NRG1: variants seen among roughly 807,000 people sequenced by gnomAD.
The protein encoded by NRG1 is neuregulin 1, also known as pro-neuregulin-1, membrane-bound isoform.
NRG1 carries 18 observed loss-of-function variants against 63.8 expected under a neutral mutation model. That is an observed-to-expected ratio of 0.28 (90% CI 0.19 to 0.42). The LOEUF (loss-of-function observed/expected upper bound fraction) is 0.42, where lower values mean the gene tolerates loss of function less well. NRG1 is among the 10% of genes least tolerant of loss of function. The pLI is 1.00. For synonymous variants in NRG1, 302 were observed against 301.3 expected (o/e 1.00, Z -0.02); for missense variants, 762 against 814.7 (o/e 0.94, Z 0.79).
chr8:32,115,801 G>A (rs1296265756), intron 1 of NRG1, among the ~76,000 whole-genome samples: 1 of 152,118 alleles, frequency 6.6e-6, no homozygotes, highest in Non-Finnish European at 1.5e-5. Flanking sequence ...CAAATAATGT[G>A]CTCAAATCTG....
chr8:32,129,055 C>T (rs560059369), intron 1 of NRG1, among the ~76,000 whole-genome samples: 17 of 152,042 alleles, frequency 1.1e-4, no homozygotes, highest in African/African-American at 2.9e-4. Flanking sequence ...CCACAATAGT[C>T]GGTTCTGCCT....
intron 1 of NRG1, chr8:32,441,431 A>G (rs2129487455): frequency 6.6e-6 from 1 of 152,168 alleles, no homozygotes; most frequent in South Asian, 2.1e-4. Context: ...CAGCCTAGGC[A>G]ACATGGTAAG....
At chr8:31,769,173 T>G (rs749090993) in intron 1 of NRG1, among the ~76,000 whole-genome samples, 8 of 152,220 alleles carry the variant, frequency 5.3e-5, no homozygotes, top group Non-Finnish European at 8.8e-5. Flanking sequence ...CAAAACATTA[T>G]TTCATTTTAC....
intron 1 of NRG1, among the ~76,000 whole-genome samples, chr8:32,075,639 T>A (rs1563757022): frequency 6.6e-6 from 1 of 151,970 alleles, no homozygotes; most frequent in South Asian, 2.1e-4. Context: ...TATTATTTTT[T>A]AATATTTTAA....
intron 1 of NRG1, among the ~76,000 whole-genome samples, chr8:32,269,957 C>A (rs1474122173): frequency 6.6e-6 from 1 of 152,042 alleles, no homozygotes; most frequent in Non-Finnish European, 1.5e-5. Flanking sequence ...GTGCTCTGTC[C>A]CCTCATAAAT....
At chr8:31,870,852 T>A (rs2129611530) in intron 1 of NRG1, among the ~76,000 whole-genome samples, 1 of 152,316 alleles carries the variant, frequency 6.6e-6, no homozygotes, top group Middle Eastern at 3.4e-3. Context: ...CTTAAGTGTG[T>A]CACTGCAGAA....
At chr8:32,225,293 A>T (rs959704084) in intron 1 of NRG1, among the ~76,000 whole-genome samples, 1 of 152,216 alleles carries the variant, frequency 6.6e-6, no homozygotes, top group Middle Eastern at 3.2e-3. Flanking sequence ...CCTCATGTCC[A>T]GATAGGATAT....
chr8:32,552,482 C>G (rs1375178184), intron 1 of NRG1, among the ~76,000 whole-genome samples: 3 of 152,098 alleles, frequency 2.0e-5, no homozygotes, highest in Non-Finnish European at 2.9e-5. Context: ...TAGGTAGAAG[C>G]AGGCTGTGTG....
At chr8:31,649,743 C>T (rs990536681) in intron 1 of NRG1, among the ~76,000 whole-genome samples, 1 of 152,130 alleles carries the variant, frequency 6.6e-6, no homozygotes, top group African/African-American at 2.4e-5. Context: ...AATGGACTTA[C>T]AGAAAACAGT....
chr8:32,331,500 C>T (rs1365665843), intron 1 of NRG1, among the ~76,000 whole-genome samples: 1 of 152,020 alleles, frequency 6.6e-6, no homozygotes, highest in African/African-American at 2.4e-5. Flanking sequence ...CACTGCACTC[C>T]AGCCTGGGTG....
intron 1 of NRG1, among the ~76,000 whole-genome samples, chr8:31,830,783 G>T (rs1047489202): frequency 5.9e-5 from 9 of 151,888 alleles, no homozygotes; most frequent in African/African-American, 1.7e-4. Flanking sequence ...AAAAAAGAAA[G>T]AAAAGAAAAG....
chr8:32,653,249 C>G (rs375817484), intron 5 of NRG1, among the ~76,000 whole-genome samples: 23 of 152,222 alleles, frequency 1.5e-4, no homozygotes, highest in African/African-American at 5.3e-4. Flanking sequence ...AGTGCCTGCC[C>G]TCAGGGAGCT....
At chr8:32,704,003 C>T (rs942420932) in intron 5 of NRG1, among the ~76,000 whole-genome samples, 1 of 152,186 alleles carries the variant, frequency 6.6e-6, no homozygotes, top group African/African-American at 2.4e-5. Flanking sequence ...TGAACAAGCA[C>T]TTACAAAGTA....
At chr8:32,095,735 G>A (rs1829820542) in intron 1 of NRG1, among the ~76,000 whole-genome samples, 1 of 152,076 alleles carries the variant, frequency 6.6e-6, no homozygotes, top group Non-Finnish European at 1.5e-5. Flanking sequence ...CTTGGATATA[G>A]TAATATCAAC....
chr8:31,889,297 G>T (rs1048710408), intron 1 of NRG1, among the ~76,000 whole-genome samples: 4 of 151,802 alleles, frequency 2.6e-5, no homozygotes, highest in African/African-American at 9.7e-5. Context: ...AGATTATTTC[G>T]TAGGTATATC....
chr8:32,320,325 C>T (rs921230696), intron 1 of NRG1, among the ~76,000 whole-genome samples: 1 of 152,116 alleles, frequency 6.6e-6, no homozygotes, highest in African/African-American at 2.4e-5. Flanking sequence ...TATTTCTAGA[C>T]TTATCCTGCT....
chr8:31,685,821 G>C (rs552752600), intron 1 of NRG1, among the ~76,000 whole-genome samples: 5 of 152,188 alleles, frequency 3.3e-5, no homozygotes, highest in South Asian at 4.1e-4. Context: ...CCATGTTGTA[G>C]TGTGTGTGTG....
At chr8:32,162,403 C>T (rs564997682) in intron 1 of NRG1, among the ~76,000 whole-genome samples, 1 of 152,206 alleles carries the variant, frequency 6.6e-6, no homozygotes, top group African/African-American at 2.4e-5. Context: ...ATTTTATAGG[C>T]ACAGTTATAA....
chr8:31,843,272 C>A (rs1826366087), intron 1 of NRG1, among the ~76,000 whole-genome samples: 1 of 152,152 alleles, frequency 6.6e-6, no homozygotes, highest in African/African-American at 2.4e-5. Context: ...CTGGAAGGGA[C>A]AGGGTTGTGC....
Sources: gnomAD v4.1 joint callset for allele counts (sites outside exome capture counted in the v4.1 genomes callset) on GRCh38, gnomAD v4.1.1 for gene constraint, MANE v1.5 for transcripts, NCBI Gene and HGNC (gene_info 2026-07-23, HGNC 2026-07-21) for gene names.